Variants in DLGAP2 observed in about 807,000 individuals in gnomAD.
DLGAP2 encodes the protein DLG associated protein 2, also known as disks large-associated protein 2.
DLGAP2 carries 26 observed loss-of-function variants against 100.3 expected under a neutral mutation model. The observed-to-expected ratio is 0.26, with a 90% CI of 0.19 to 0.36. The LOEUF is 0.36. Ranked by LOEUF, DLGAP2 falls within the 10% of genes least tolerant of loss-of-function variation. The pLI is 1.00. For synonymous variants in DLGAP2, 886 were observed against 630.1 expected, an observed-to-expected ratio of 1.41 and a Z score of -6.08; for missense variants, 1,858 against 1,453.2, an observed-to-expected ratio of 1.28 and a Z score of -4.53.
chr8:1,013,506 T>A (rs1801356964), intron 2 of DLGAP2, among the ~76,000 whole-genome samples: 1 of 152,146 alleles, frequency 6.6e-6, no homozygotes, highest in Non-Finnish European at 1.5e-5. Flanking sequence ...TCACAGGGTC[T>A]CTGTGGGGGC....
In DLGAP2 at chr8:1,374,996, C is replaced by T. The variant is rs557406550; in HGVS notation, c.106+116113C>T. On this transcript the variant is annotated intron_variant, in intron 3 of 14. Transcript: ENST00000637795. ...CCCAATACCACAGCCGGGGCGCTGT[C>T]CTCACTGACAGCAGGTGGTCACTGG... Among the ~76,000 whole-genome samples the T allele has an allele frequency of 5.9e-5, 9 of 152,350 alleles. 1 individual carries two copies. The South Asian group carries it at 1.9e-3, about 32-fold the overall frequency.
At chr8:1,528,027 G>C (rs2404619) in intron 4 of DLGAP2, among the ~76,000 whole-genome samples, 56,467 of 152,120 alleles carry the variant, frequency 0.37, 11,172 homozygotes, top group South Asian at 0.53. Flanking sequence ...CTTACTGAAA[G>C]AGGCTTAAAA....
intron 2 of DLGAP2, among the ~76,000 whole-genome samples, chr8:1,180,325 C>T (rs1029547220): frequency 1.3e-5 from 2 of 152,200 alleles, no homozygotes. Flanking sequence ...CTGCCAAATC[C>T]CAGTTACACC....
chr8:1,666,903 C>T lies in DLGAP2; in HGVS notation c.1811-1426C>T, dbSNP rs543529518. The stretch of plus-strand genomic sequence containing the variant: ...CAGACACAGAAAGGATGTGTTTCCA[C>T]CTGCAGCAGCCGGCAGCTGCTCTCG... On this transcript the variant is annotated intron_variant, in intron 8 of 14. Transcript: ENST00000637795. Among the ~76,000 whole-genome samples, 3 of 152,264 alleles carry T rather than the reference C, an allele frequency of 2.0e-5. No individual in the cohort carries two copies. In the South Asian group the frequency reaches 6.2e-4, roughly 32 times the overall value.
At chr8:1,675,772 A>T (rs763755020) in intron 10 of DLGAP2, among the ~76,000 whole-genome samples, 1 of 152,030 alleles carries the variant, frequency 6.6e-6, no homozygotes, top group Non-Finnish European at 1.5e-5. Flanking sequence ...GCCTGGAATC[A>T]TATCAATGGC....
At chr8:1,664,893 T>G (rs1256091401) in intron 8 of DLGAP2, among the ~76,000 whole-genome samples, 1 of 152,240 alleles carries the variant, frequency 6.6e-6, no homozygotes, top group African/African-American at 2.4e-5. Flanking sequence ...GAGCATCATG[T>G]CTTTCTTTTG....
intron 1 of DLGAP2, among the ~76,000 whole-genome samples, chr8:824,423 G>C (rs1342471307): frequency 6.6e-6 from 1 of 152,126 alleles, no homozygotes; most frequent in Admixed American, 6.5e-5. Flanking sequence ...TCTTGATTTA[G>C]ATGCTGCCAG....
In DLGAP2 at chr8:1,556,977, T is replaced by A. The variant is rs544218213; in HGVS notation, c.1230+7294T>A. On this transcript the variant is annotated intron_variant, in intron 5 of 14. Transcript: ENST00000637795. ...CTGGGAGATGCTTGTGGGGTCGGTC[T>A]TATGGAATGGGGGATGTTGAGCACA... Among the ~76,000 whole-genome samples the A allele has an allele frequency of 2.1e-4, 32 of 152,096 alleles. 1 individual carries two copies. The highest frequency in any genetic ancestry group is 1.3e-3 in the South Asian group (6 of 4,798).
Position 890,402 on chromosome 8 carries a change from T to C in DLGAP2, c.19-17510T>C, listed in dbSNP as rs148986840. Among the ~76,000 whole-genome samples the C allele has an allele frequency of 7.7e-4, 118 of 152,282 alleles. 1 individual carries two copies. The highest frequency in any genetic ancestry group is 2.8e-3 in the African/African-American group (115 of 41,554). On this transcript the variant is annotated intron_variant, in intron 1 of 14. Coordinates refer to ENST00000637795, the MANE Select transcript of DLGAP2 (RefSeq NM_001346810.2). ...TTGACTTCCTTGACCATGGAACGTT[T>C]TTTTTCCCCATGGGAATATAGTTCG...
chr8:1,119,236 G>A (rs1390922869), intron 2 of DLGAP2, among the ~76,000 whole-genome samples: 2 of 152,194 alleles, frequency 1.3e-5, no homozygotes, highest in Non-Finnish European at 2.9e-5. Flanking sequence ...TTTTAAGTAG[G>A]TTTGGAATCT....
At chr8:1,286,914 A>G (rs1292306961) in intron 3 of DLGAP2, among the ~76,000 whole-genome samples, 1 of 152,250 alleles carries the variant, frequency 6.6e-6, no homozygotes, top group Non-Finnish European at 1.5e-5. Context: ...GTTAAATACA[A>G]TGAGGGCTTA....
chr8:849,581 G>T (rs908565576), intron 1 of DLGAP2, among the ~76,000 whole-genome samples: 6 of 152,176 alleles, frequency 3.9e-5, no homozygotes, highest in Non-Finnish European at 7.3e-5. Flanking sequence ...TTGCCCGAAG[G>T]TTCCAGCGGT....
chr8:1,111,743 T>C (rs1804964767), intron 2 of DLGAP2, among the ~76,000 whole-genome samples: 1 of 152,234 alleles, frequency 6.6e-6, no homozygotes, highest in Non-Finnish European at 1.5e-5. Context: ...GGTCTTATTC[T>C]TTTTATGGCT....
intron 1 of DLGAP2, among the ~76,000 whole-genome samples, chr8:870,170 A>G (rs1232874703): frequency 3.3e-5 from 5 of 152,066 alleles, no homozygotes; most frequent in Admixed American, 6.5e-5. Flanking sequence ...TTCTATGGCT[A>G]TTTCTTTCCT....
At chr8:1,172,614 C>T (rs1325115004) in intron 2 of DLGAP2, among the ~76,000 whole-genome samples, 2 of 152,158 alleles carry the variant, frequency 1.3e-5, no homozygotes, top group South Asian at 2.1e-4. Flanking sequence ...AACTTCCCTT[C>T]TCACTTCATT....
intron 3 of DLGAP2, among the ~76,000 whole-genome samples, chr8:1,370,875 T>G (rs546519737): frequency 6.6e-6 from 1 of 152,224 alleles, no homozygotes; most frequent in East Asian, 1.9e-4. Context: ...GTTGTAAGGA[T>G]TGAATAAGTT....
chr8:792,742 G>C (rs1344556746), intron 1 of DLGAP2, among the ~76,000 whole-genome samples: 1 of 152,180 alleles, frequency 6.6e-6, no homozygotes. Context: ...TCTGATAGGA[G>C]TTCCCCCATT....
intron 4 of DLGAP2, among the ~76,000 whole-genome samples, chr8:1,541,857 C>T (rs140127271): frequency 1.3e-5 from 2 of 152,192 alleles, no homozygotes; most frequent in Admixed American, 6.5e-5. Context: ...AGAACAGAAA[C>T]GTGTACAATG....
At chr8:1,484,855 C>T (rs777758449) in intron 3 of DLGAP2, among the ~76,000 whole-genome samples, 1 of 152,210 alleles carries the variant, frequency 6.6e-6, no homozygotes, top group Non-Finnish European at 1.5e-5. Context: ...TATTTCCTGG[C>T]AGCAGAGAGC....
Sources: allele counts gnomAD v4.1 joint callset (sites outside exome capture counted in the v4.1 genomes callset), GRCh38; gene constraint gnomAD v4.1.1; transcripts MANE v1.5; gene names NCBI Gene and HGNC (gene_info 2026-07-23, HGNC 2026-07-21).